The following TMEM232 variants were observed in gnomAD, a reference collection of about 807,000 sequenced individuals.
TMEM232 encodes the protein transmembrane protein 232.
A neutral mutation model predicts 78.8 loss-of-function variants in TMEM232; 80 were observed. The ratio of observed to expected loss-of-function variants is 1.01; its 90% CI spans 0.85 to 1.22. The LOEUF (loss-of-function observed/expected upper bound fraction) is 1.22. Ranked by LOEUF, TMEM232 falls within the 50% of genes most tolerant of loss-of-function variation. The pLI is 0.00. For synonymous variants in TMEM232, 297 were observed against 254.3 expected (o/e 1.17, Z -1.60); for missense variants, 881 against 742.2 (o/e 1.19, Z -2.17).
intron 11 of TMEM232, among the ~76,000 whole-genome samples, chr5:110,542,261 A>G (rs748846339): frequency 1.3e-5 from 2 of 152,158 alleles, no homozygotes; most frequent in Non-Finnish European, 2.9e-5. Context: ...TATTTTTTAT[A>G]GTTCATTGCC....
chr5:110,554,701 C>G (rs1280439591), intron 11 of TMEM232, among the ~76,000 whole-genome samples: 3 of 150,852 alleles, frequency 2.0e-5, no homozygotes, highest in African/African-American at 7.4e-5. Flanking sequence ...GTACTTCCTC[C>G]TCAATTTTTT....
At chr5:110,568,780 T>A (rs989740828) in intron 10 of TMEM232, among the ~76,000 whole-genome samples, 155 bp from the exon 11 acceptor site, 2 of 151,986 alleles carry the variant, frequency 1.3e-5, no homozygotes, top group African/African-American at 4.8e-5. Context: ...CCTTCACTGC[T>A]TTCTCTCCTT....
At chr5:110,445,867 G>GAAAGTT (rs1379379329) in intron 12 of TMEM232, among the ~76,000 whole-genome samples, 1 of 152,140 alleles carries the variant, frequency 6.6e-6, no homozygotes, top group Non-Finnish European at 1.5e-5. Flanking sequence ...GAGTGAATGA[G>GAAAGTT]AAAGTTAAAG....
intron 11 of TMEM232, among the ~76,000 whole-genome samples, chr5:110,538,192 A>T (rs185744706): frequency 4.6e-5 from 7 of 152,316 alleles, no homozygotes; most frequent in Admixed American, 4.6e-4. Context: ...AGGCTGGAGG[A>T]AGTCTTTACA....
intron 5 of TMEM232, among the ~76,000 whole-genome samples, chr5:110,637,738 A>T (rs903123021): frequency 9.2e-5 from 14 of 152,178 alleles, no homozygotes; most frequent in African/African-American, 2.9e-4. Context: ...TCTCAAGGAC[A>T]TTATAAAATA....
chr5:110,529,922 A>G (rs1771178987), intron 11 of TMEM232, among the ~76,000 whole-genome samples: 1 of 152,186 alleles, frequency 6.6e-6, no homozygotes, highest in African/African-American at 2.4e-5. Flanking sequence ...TTTCTTGTAA[A>G]TAAGTCGGAT....
chr5:110,466,223 A>C (rs968065251), intron 12 of TMEM232, among the ~76,000 whole-genome samples: 13 of 152,224 alleles, frequency 8.5e-5, no homozygotes, highest in African/African-American at 2.7e-4. Flanking sequence ...AAAGTAGATC[A>C]CTTTCTAATG....
Position 110,528,801 on chromosome 5 carries a change from C to A in TMEM232, c.1490G>T (p.Arg497Ile). The A allele has an allele frequency of 6.6e-7, 1 of 1,517,492 alleles. No individual in the cohort carries two copies. Among genetic ancestry groups the A allele is most frequent in the Non-Finnish European group, 8.8e-7 (1 of 1,137,432 alleles). The allele number at this position is 1,517,492 out of a possible 1,614,324, so 94.0% of individuals were successfully genotyped here. A position where few individuals can be genotyped will look rare whatever the true frequency, so the allele number is the denominator to read the frequency against. Reference sequence around the variant, plus strand: ...ATTTGATGAAATATTTGTACTATATCTAGTGAAAGGATCAGTTGGGTCATT... The same window carrying A: ...ATTTGATGAAATATTTGTACTATATATAGTGAAAGGATCAGTTGGGTCATT... ...ELNDPTDPFT[R>I]YSTNISSNVG... is the part of the protein sequence containing the mutation. The change falls in exon 12 of 14, where the codon AGA (arginine) becomes ATA (isoleucine). Residue 497 changes from arginine to isoleucine, a missense_variant. Arg to Ile is a moderately conservative substitution (Grantham distance 97, BLOSUM62 -3). Coordinates refer to ENST00000455884, the MANE Select transcript of TMEM232 (RefSeq NM_001039763.4).
At chr5:110,552,067 A>T (rs527435810) in intron 11 of TMEM232, among the ~76,000 whole-genome samples, 1 of 152,280 alleles carries the variant, frequency 6.6e-6, no homozygotes, top group Non-Finnish European at 1.5e-5. Flanking sequence ...TAAGATAATA[A>T]CAAAATATAT....
At position 110,612,283 on chromosome 5, in the gene TMEM232, G is replaced by A. The variant is rs117569584; in HGVS notation, c.903-5996C>T. Among the ~76,000 whole-genome samples, 534 of 152,096 alleles carry A rather than the reference G, an allele frequency of 3.5e-3. 10 individuals carry two copies. Among genetic ancestry groups the A allele is most frequent in the Admixed American group, 0.031 (472 of 15,240 alleles). On this transcript the variant is annotated intron_variant, in intron 8 of 13. Coordinates refer to ENST00000455884, the MANE Select transcript of TMEM232 (RefSeq NM_001039763.4). ...TGGTTTCAGGTTGCATTGCTTTTTC[G>A]CTGTATGATAATGTAGCAGCATATA...
rs151127823 is a variant in TMEM232 at position 110,524,443 on chromosome 5, A to C, written c.1703+4145T>G. Among the ~76,000 whole-genome samples the C allele has an allele frequency of 1.3e-3, 198 of 150,446 alleles. 1 individual carries two copies. Among genetic ancestry groups the C allele is most frequent in the African/African-American group, 4.6e-3 (188 of 40,868 alleles). On this transcript the variant is annotated intron_variant, in intron 12 of 13. Coordinates refer to ENST00000455884, the MANE Select transcript of TMEM232 (RefSeq NM_001039763.4). ...AAGAAAAGAAAAGAAAAGAAAAGAA[A>C]GGAAAGAAAGAAAGAAAAAGAAAGA... is the stretch of plus-strand genomic sequence containing the variant.
At chr5:110,453,328 A>C (rs1416498948) in intron 12 of TMEM232, among the ~76,000 whole-genome samples, 7 of 151,820 alleles carry the variant, frequency 4.6e-5, no homozygotes, top group Admixed American at 4.6e-4. Flanking sequence ...TTTGAGATGG[A>C]GTCTCACTCC....
At chr5:110,526,239 G>GA (rs1365137966) in intron 12 of TMEM232, among the ~76,000 whole-genome samples, 1 of 150,200 alleles carries the variant, frequency 6.7e-6, no homozygotes, top group Non-Finnish European at 1.5e-5. Flanking sequence ...AAAGAAAAAT[G>GA]ACTATACGGC....
intron 12 of TMEM232, among the ~76,000 whole-genome samples, chr5:110,486,492 T>C (rs537149217): frequency 2.0e-5 from 3 of 152,148 alleles, no homozygotes; most frequent in Non-Finnish European, 2.9e-5. Context: ...TTGATTTTTG[T>C]ATAAGGTGAG....
rs61295187 is a variant in TMEM232 at position 110,659,523 on chromosome 5, A to G, written c.125+7705T>C. Among the ~76,000 whole-genome samples the G allele has an allele frequency of 4.9e-3, 749 of 152,226 alleles. 8 individuals carry two copies. Among genetic ancestry groups the G allele is most frequent in the African/African-American group, 0.017 (708 of 41,560 alleles). On this transcript the variant is annotated intron_variant, in intron 2 of 13. Transcript: ENST00000455884. Reference sequence around the variant, plus strand: ...GAGGATGCATTTCTCCTACTTCTCAAAAAACATGCAGAAATATTTTCCATC... The same window carrying G: ...GAGGATGCATTTCTCCTACTTCTCAGAAAACATGCAGAAATATTTTCCATC...
chr5:110,460,753 C>T (rs988182357), intron 12 of TMEM232, among the ~76,000 whole-genome samples: 7 of 151,442 alleles, frequency 4.6e-5, no homozygotes, highest in South Asian at 2.1e-4. Context: ...ACAGCATGTG[C>T]GCACTCGGTG....
At chr5:110,636,284 A>C (rs1385332055) in intron 5 of TMEM232, among the ~76,000 whole-genome samples, 2 of 151,908 alleles carry the variant, frequency 1.3e-5, no homozygotes, top group African/African-American at 4.8e-5. Context: ...ATGGGAGGGG[A>C]AAATAAAGAG....
chr5:110,667,150 G>T, intron 2 of TMEM232, 78 bp downstream of exon 2: 1 of 1,206,856 alleles, frequency 8.3e-7, no homozygotes, highest in Non-Finnish European at 1.1e-6. Flanking sequence ...AACTATGGGT[G>T]AATTTTTTTT....
chr5:110,401,165 A>G (rs1042764938), intron 2 of TMEM232, among the ~76,000 whole-genome samples: 13 of 152,040 alleles, frequency 8.6e-5, no homozygotes, highest in African/African-American at 1.7e-4. Context: ...AGTAATGTCA[A>G]TCTTATTCTC....
Sources: gnomAD v4.1 joint callset for allele counts (sites outside exome capture counted in the v4.1 genomes callset) on GRCh38, gnomAD v4.1.1 for gene constraint, MANE v1.5 for transcripts, NCBI Gene and HGNC (gene_info 2026-07-23, HGNC 2026-07-21) for gene names.